GSE1: variants seen among roughly 807,000 people sequenced by gnomAD.
GSE1 encodes the protein genetic suppressor element 1.
A neutral mutation model predicts 112.6 loss-of-function variants in GSE1; 32 were observed. That is an observed-to-expected ratio of 0.28 (90% CI 0.21 to 0.38). GSE1 has a LOEUF of 0.38. Ranked by LOEUF, GSE1 falls within the 10% of genes least tolerant of loss-of-function variation. The probability of loss-of-function intolerance (pLI) is 1.00; values close to 1 mark genes in which losing one functional copy is unlikely to be tolerated. For synonymous variants in GSE1, 1,115 were observed against 735.6 expected, an observed-to-expected ratio of 1.52 and a Z score of -8.35; for missense variants, 2,348 against 1,699.2, an observed-to-expected ratio of 1.38 and a Z score of -6.71.
chr16:85,229,078 G>C (rs896662433), intron 1 of GSE1, among the ~76,000 whole-genome samples: 3 of 152,252 alleles, frequency 2.0e-5, no homozygotes, highest in Non-Finnish European at 4.4e-5. Context: ...CATCCGCTGG[G>C]GAGTTGTGGA....
intron 2 of GSE1, among the ~76,000 whole-genome samples, chr16:85,471,626 C>T (rs936959267): frequency 3.9e-5 from 6 of 152,188 alleles, no homozygotes; most frequent in African/African-American, 1.4e-4. Context: ...GTTGCCCAGA[C>T]TGGTCTTGAA....
chr16:85,411,052 C>T (rs575628206), intron 2 of GSE1, among the ~76,000 whole-genome samples: 1 of 98,064 alleles, frequency 1.0e-5, no homozygotes, highest in Non-Finnish European at 2.0e-5. Context: ...TCAGGCCACC[C>T]GGATAATCCT....
chr16:85,542,364 G>A (rs904318086), intron 2 of GSE1, among the ~76,000 whole-genome samples: 1 of 152,172 alleles, frequency 6.6e-6, no homozygotes, highest in Non-Finnish European at 1.5e-5. Flanking sequence ...GGATCATTTC[G>A]TCCAAGTGTC....
chr16:85,315,968 C>T (rs2045977341), intron 1 of GSE1, among the ~76,000 whole-genome samples: 1 of 152,176 alleles, frequency 6.6e-6, no homozygotes, highest in Admixed American at 6.5e-5. Flanking sequence ...GCTGGAGGGG[C>T]AGGGCTGGTG....
At chr16:85,487,813 G>A (rs1197153849) in intron 2 of GSE1, among the ~76,000 whole-genome samples, 1 of 152,252 alleles carries the variant, frequency 6.6e-6, no homozygotes, top group Non-Finnish European at 1.5e-5. Context: ...AGGCATCTGT[G>A]TGACCTTGCA....
rs533511744 is a variant in GSE1, at chr16:85,633,967, A to C, written c.61A>C (p.Arg21=). The C allele has an allele frequency of 6.2e-7, 1 of 1,612,956 alleles. No homozygotes were observed. The highest frequency in any genetic ancestry group is 1.3e-5 in the African/African-American group (1 of 74,980). Residue 21 remains arginine (R), a synonymous_variant, in exon 2 of 16, where the codon AGG becomes CGG. Coordinates refer to ENST00000253458, the MANE Select transcript of GSE1 (RefSeq NM_014615.5). Reference sequence around the variant, plus strand: ...GCTAGGGATGCTTTCCACCGCGACCAGGACCACCGCCACCGTCAACCCCCT... The same window carrying C: ...GCTAGGGATGCTTTCCACCGCGACCCGGACCACCGCCACCGTCAACCCCCT... The part of the protein sequence containing the change: ...PSLGMLSTAT[R]TTATVNPLTP...
At chr16:85,197,967 C>G (rs1057183346) in intron 1 of GSE1, among the ~76,000 whole-genome samples, 2 of 152,188 alleles carry the variant, frequency 1.3e-5, no homozygotes, top group African/African-American at 4.8e-5. Context: ...TTCCTAGATA[C>G]AGTCAGTGAC....
chr16:85,372,796 C>T lies in GSE1; in HGVS notation c.2464+15153C>T, dbSNP rs562990724. The stretch of plus-strand genomic sequence containing the variant: ...GTATACCAAGGTTCTTCACCACCCT[C>T]GGTGGGCACCAGTTCACCAAATCCT... On this transcript the variant is annotated intron_variant, in intron 2 of 2. Transcript: ENST00000637419. Among the ~76,000 whole-genome samples, 9 of 152,272 alleles carry T rather than the reference C, an allele frequency of 5.9e-5. No homozygotes were observed. In the East Asian group the frequency reaches 1.4e-3, roughly 23 times the overall value.
chr16:85,369,629 A>T (rs1426714315), intron 2 of GSE1, among the ~76,000 whole-genome samples: 2 of 152,032 alleles, frequency 1.3e-5, no homozygotes, highest in Non-Finnish European at 2.9e-5. Flanking sequence ...TACTCTCCCC[A>T]TCTCAAGATT....
At chr16:85,552,952 T>C (rs1190235171), upstream of GSE1, among the ~76,000 whole-genome samples, 1 of 152,274 alleles carries the variant, frequency 6.6e-6, no homozygotes, top group Non-Finnish European at 1.5e-5. Context: ...GGTTTAGTAT[T>C]AATTACTACT....
chr16:85,541,384 G>A (rs1016621923), intron 2 of GSE1, among the ~76,000 whole-genome samples: 3 of 152,218 alleles, frequency 2.0e-5, no homozygotes, highest in African/African-American at 7.2e-5. Flanking sequence ...CTGGGTACCC[G>A]GAGGAAGCCA....
Position 85,625,190 on chromosome 16 carries a change from CG to C in GSE1, c.8-8723del. The stretch of plus-strand genomic sequence containing the variant: ...CCGCATCTGCCAGTCCCGCCCTTCC[CG>C]CCGCCCTCCTCTCCAGCCCTTCATC... On this transcript the variant is annotated intron_variant, in intron 1 of 15. Transcript: ENST00000253458. Among the ~76,000 whole-genome samples, 2 of 152,318 alleles carry C rather than the reference CG, an allele frequency of 1.3e-5. 1 individual carries two copies. Among genetic ancestry groups the C allele is most frequent in the South Asian group, 4.1e-4 (2 of 4,830 alleles).
At chr16:85,473,954 A>C (rs1441654934) in intron 2 of GSE1, among the ~76,000 whole-genome samples, 2 of 152,074 alleles carry the variant, frequency 1.3e-5, no homozygotes, top group African/African-American at 4.8e-5. Context: ...AGCTCCAGAC[A>C]GACGAACAGC....
At chr16:85,177,867 C>T (rs1287848227) in intron 1 of GSE1, among the ~76,000 whole-genome samples, 2 of 152,170 alleles carry the variant, frequency 1.3e-5, no homozygotes, top group African/African-American at 4.8e-5. Context: ...CCTGGCAGTG[C>T]TGGGCCAGGG....
chr16:85,553,080 T>C (rs2045004514), upstream of GSE1, among the ~76,000 whole-genome samples: 2 of 151,796 alleles, frequency 1.3e-5, no homozygotes, highest in Admixed American at 1.3e-4. Context: ...AGATGGGAGA[T>C]TTTTCCAGTT....
intron 2 of GSE1, among the ~76,000 whole-genome samples, chr16:85,491,435 G>A (rs2051006446): frequency 6.6e-6 from 1 of 152,164 alleles, no homozygotes; most frequent in Non-Finnish European, 1.5e-5. Context: ...CTGGGTGGTG[G>A]CTTTAGAAGA....
intron 1 of GSE1, among the ~76,000 whole-genome samples, chr16:85,597,080 C>T (rs953393674): frequency 6.6e-6 from 1 of 151,768 alleles, no homozygotes; most frequent in Non-Finnish European, 1.5e-5. Flanking sequence ...TGGGTTCAAG[C>T]AATCCTCCCT....
upstream of GSE1, among the ~76,000 whole-genome samples, chr16:85,608,359 T>C (rs771535919): frequency 3.8e-4 from 58 of 152,074 alleles, no homozygotes; most frequent in Non-Finnish European, 7.9e-4. Flanking sequence ...CCGGGGCTGG[T>C]AGCCTTGGGG....
At chr16:85,450,847 GGTTAGGC>G (rs1354491324) in intron 2 of GSE1, among the ~76,000 whole-genome samples, 1 of 152,076 alleles carries the variant, frequency 6.6e-6, no homozygotes, top group Non-Finnish European at 1.5e-5. Context: ...GATCACCTAA[GGTTAGGC>G]GTTCGAGACC....
Sources: allele counts gnomAD v4.1 joint callset (sites outside exome capture counted in the v4.1 genomes callset), GRCh38; gene constraint gnomAD v4.1.1; transcripts MANE v1.5; gene names NCBI Gene and HGNC (gene_info 2026-07-23, HGNC 2026-07-21).